The following ZNF595 variants were observed in gnomAD, a reference collection of about 807,000 sequenced individuals.
ZNF595 encodes the protein zinc finger protein 595.
A neutral mutation model predicts 19.4 loss-of-function variants in ZNF595; 9 were observed. That is an observed-to-expected ratio of 0.46 (90% CI 0.28 to 0.81). ZNF595 has a LOEUF of 0.81. ZNF595 is among the 30% of genes least tolerant of loss of function. ZNF595 has a pLI of 0.11. For missense variants in ZNF595, 729 were observed against 736.0 expected (o/e 0.99, Z 0.11); for synonymous variants, 255 against 255.9 (o/e 1.00, Z 0.03).
intron 3 of ZNF595, among the ~76,000 whole-genome samples, chr4:67,023 G>A (rs1264461454): frequency 1.8e-3 from 258 of 142,506 alleles, no homozygotes; most frequent in African/African-American, 6.4e-3. Context: ...TCACTGTGTA[G>A]TATGGTCATT....
chr4:87,494 C>T lies in ZNF595; in HGVS notation c.*43C>T. On this transcript the variant is annotated 3_prime_UTR_variant, in exon 4 of 4. Coordinates refer to ENST00000610261, the MANE Select transcript of ZNF595 (RefSeq NM_182524.4). ...CTCTAATTCCAGTGTCTTTACACAGCAAATAAATTGGAGAATATTGCTCCC... is the reference window on the plus strand; with the variant it reads ...CTCTAATTCCAGTGTCTTTACACAGTAAATAAATTGGAGAATATTGCTCCC... 1 of 1,443,492 alleles carries T rather than the reference C, an allele frequency of 6.9e-7. No individual in the cohort carries two copies. The highest frequency in any genetic ancestry group is 9.2e-7 in the Non-Finnish European group (1 of 1,091,094). The allele number at this position is 1,443,492 out of a possible 1,614,324, so 89.4% of individuals were successfully genotyped here. A position where few individuals can be genotyped will look rare whatever the true frequency, so the allele number is the denominator to read the frequency against.
intron 3 of ZNF595, among the ~76,000 whole-genome samples, chr4:81,990 C>T (rs1453423959): frequency 2.0e-5 from 3 of 152,096 alleles, no homozygotes; most frequent in African/African-American, 7.2e-5. Flanking sequence ...GTAGAAATTA[C>T]TCTTCATCTG....
intron 3 of ZNF595, among the ~76,000 whole-genome samples, chr4:83,619 C>CAAAAAAAAAAAAAAAAAAAAAAAAAAAA (rs71164492): frequency 5.2e-5 from 2 of 38,596 alleles, no homozygotes; most frequent in Admixed American, 3.5e-4. Context: ...GACTCCGTCT[C>CAAAAAAAAAAAAAAAAAAAAAAAAAAAA]AAAAAAAAAA....
chr4:76,857 TTTCTC>T (rs1178057841), intron 3 of ZNF595, among the ~76,000 whole-genome samples: 1 of 152,172 alleles, frequency 6.6e-6, no homozygotes, highest in Non-Finnish European at 1.5e-5. Context: ...AAAAATTTCT[TTTCTC>T]TTGCTTCTTT....
At chr4:73,671 A>G (rs10034988) in intron 3 of ZNF595, among the ~76,000 whole-genome samples, 2,699 of 152,290 alleles carry the variant, frequency 0.018, 90 homozygotes, top group African/African-American at 0.062. Flanking sequence ...CTTTTGTCCT[A>G]TATATTTTTT....
intron 3 of ZNF595, 36 bp from the exon 4 acceptor site, chr4:85,695 G>T: frequency 6.6e-7 from 1 of 1,520,052 alleles, no homozygotes; most frequent in Non-Finnish European, 8.8e-7. Context: ...TATGAATCTA[G>T]TAAGTGGGAT....
chr4:87,365 A>G lies in ZNF595; in HGVS notation c.1861A>G (p.Lys621Glu), dbSNP rs1189031654. ...AATTCATACTGGAGAGAAATCCTACAAATGTGAAGAATGTGGCAAAGCTTT... is the reference window on the plus strand; with the variant it reads ...AATTCATACTGGAGAGAAATCCTACGAATGTGAAGAATGTGGCAAAGCTTT... Reference protein sequence around the residue: ...KIIHTGEKSYKCEECGKAFNR... With the variant: ...KIIHTGEKSYECEECGKAFNR... The change falls in exon 4 of 4, where the codon AAA (lysine) becomes GAA (glutamate). Residue 621 changes from lysine (K) to glutamate (E), a missense_variant. By Grantham distance (56) the Lys-to-Glu change is moderately conservative. Around this residue, in one of 2 missense-constraint regions of ZNF595, gnomAD observed 729 missense variants for 675.3 expected, o/e 1.08. Coordinates refer to ENST00000610261, the MANE Select transcript of ZNF595 (RefSeq NM_182524.4). 11 of 1,613,464 alleles carry G rather than the reference A, an allele frequency of 6.8e-6. No homozygotes were observed. The highest frequency in any genetic ancestry group is 1.7e-5 in the Admixed American group (1 of 59,978).
intron 3 of ZNF595, among the ~76,000 whole-genome samples, chr4:82,741 C>A (rs1261157679): frequency 1.3e-5 from 2 of 152,038 alleles, no homozygotes; most frequent in Admixed American, 6.6e-5. Flanking sequence ...TAAAAGTAAT[C>A]TGTAAAGTTC....
chr4:74,423 T>G (rs1194043122), intron 3 of ZNF595, among the ~76,000 whole-genome samples: 1 of 152,246 alleles, frequency 6.6e-6, no homozygotes, highest in Non-Finnish European at 1.5e-5. Flanking sequence ...TAAAGTTCCC[T>G]AGTATTATCA....
In ZNF595 at chr4:88,089, G is replaced by T. The variant is rs1211758655; in HGVS notation, c.*638G>T. 6.6e-6 allele frequency: 1 copy of T among 152,056 alleles called. No homozygotes were observed. Among genetic ancestry groups the T allele is most frequent in the Non-Finnish European group, 1.5e-5 (1 of 68,020 alleles). 9.4% of individuals were successfully genotyped at this position (152,056 alleles called of 1,614,324 possible). ...TATTTTATGATTATAATAAGTATAT[G>T]AGTATAATTATAATTCACACATTTC... is the stretch of plus-strand genomic sequence containing the variant. On this transcript the variant is annotated 3_prime_UTR_variant, in exon 4 of 4. Transcript: ENST00000610261.
Position 86,069 on chromosome 4 carries a change from C to G in ZNF595, c.565C>G (p.Gln189Glu), listed in dbSNP as rs782355591. ...GRSFYMSHLT[Q>E]HTGIHAGEKP... ...ATCGTTTTACATGTCACACCTAACT[C>G]AACATACAGGAATTCATGCTGGAGA... Residue 189 changes from glutamine to glutamate, a missense_variant, in exon 4 of 4, where the codon CAA becomes GAA. Physicochemically the swap from Gln to Glu is conservative, Grantham distance 29. Coordinates refer to ENST00000610261, the MANE Select transcript of ZNF595 (RefSeq NM_182524.4). 1.9e-6 allele frequency: 3 copies of G among 1,612,810 alleles called. No individual in the cohort carries two copies. In the South Asian group the frequency reaches 3.3e-5, roughly 18 times the overall value.
At chr4:72,981 A>G (rs1295782001) in intron 3 of ZNF595, among the ~76,000 whole-genome samples, 2 of 152,156 alleles carry the variant, frequency 1.3e-5, no homozygotes, top group Non-Finnish European at 2.9e-5. Context: ...CTGAGAAGGT[A>G]CAGAACTCTG....
intron 3 of ZNF595, among the ~76,000 whole-genome samples, chr4:83,197 T>C (rs1487593074): frequency 6.6e-6 from 1 of 152,202 alleles, no homozygotes. Flanking sequence ...ATGGGAGTTT[T>C]TGACTTTAGA....
chr4:72,258 AT>A (rs1301752468), intron 3 of ZNF595, among the ~76,000 whole-genome samples: 4 of 149,922 alleles, frequency 2.7e-5, no homozygotes, highest in African/African-American at 4.9e-5. Flanking sequence ...TCTTATTTTC[AT>A]TTTTTTTTTC....
chr4:70,547 A>C (rs1553797726), intron 3 of ZNF595, among the ~76,000 whole-genome samples: 2 of 151,924 alleles, frequency 1.3e-5, no homozygotes, highest in Non-Finnish European at 2.9e-5. Flanking sequence ...CATGTTGGCC[A>C]CTCTGGTCTC....
intron 3 of ZNF595, among the ~76,000 whole-genome samples, chr4:82,527 G>A (rs1316960908): frequency 6.6e-6 from 1 of 151,660 alleles, no homozygotes; most frequent in Non-Finnish European, 1.5e-5. Flanking sequence ...TGGGATTACA[G>A]GCATGCACCA....
In ZNF595 at chr4:85,742, C is replaced by G; in HGVS notation, c.238C>G (p.Pro80Ala). 6.4e-7 allele frequency: 1 copy of G among 1,569,956 alleles called. No homozygotes were observed. Among genetic ancestry groups the G allele is most frequent in the Non-Finnish European group, 8.6e-7 (1 of 1,159,484 alleles). ...TTTATTTCTTTCAGCTATATGTTCT[C>G]CTTTCAGCCAAGACCTTTCACCAGT... ...TAAKPPAICSPFSQDLSPVQG... is the reference protein window; with the variant it reads ...TAAKPPAICSAFSQDLSPVQG... The change falls in exon 4 of 4, where the codon CCT becomes GCT. Residue 80 changes from proline to alanine, a missense_variant. Physicochemically the swap from Pro to Ala is conservative, Grantham distance 27. Around this residue, in one of 2 missense-constraint regions of ZNF595, gnomAD observed 729 missense variants for 675.3 expected, o/e 1.08. Coordinates refer to ENST00000610261, the MANE Select transcript of ZNF595 (RefSeq NM_182524.4).
intron 3 of ZNF595, among the ~76,000 whole-genome samples, chr4:69,179 A>G (rs964262039): frequency 2.0e-5 from 3 of 152,218 alleles, no homozygotes; most frequent in Non-Finnish European, 4.4e-5. Context: ...GATTGCTTCT[A>G]AATCTTGGCT....
intron 3 of ZNF595, 37 bp from the exon 4 acceptor site, chr4:85,694 A>C (rs1164896478): frequency 6.6e-7 from 1 of 1,518,966 alleles, no homozygotes; most frequent in African/African-American, 1.4e-5. Flanking sequence ...ATATGAATCT[A>C]GTAAGTGGGA....
Sources: allele counts gnomAD v4.1 joint callset (sites outside exome capture counted in the v4.1 genomes callset), GRCh38; gene constraint gnomAD v4.1.1; regional missense constraint gnomAD v4.1.1; transcripts MANE v1.5; gene names NCBI Gene and HGNC (gene_info 2026-07-23, HGNC 2026-07-21).